Variants in FSTL5 observed in about 807,000 individuals in gnomAD.
FSTL5 encodes the protein follistatin-related protein 5.
In FSTL5, 62 loss-of-function variants were observed where a neutral mutation model predicts 89.1. The ratio of observed to expected loss-of-function variants is 0.70; its 90% CI spans 0.57 to 0.86. The LOEUF is 0.86. FSTL5 is among the 40% of genes least tolerant of loss of function. The pLI, the probability that FSTL5 is intolerant of heterozygous loss-of-function variation, is 0.00. For synonymous variants in FSTL5, 383 were observed against 346.2 expected (o/e 1.11, Z -1.18); for missense variants, 1,057 against 1,001.6 (o/e 1.06, Z -0.75).
At chr4:161,876,492 A>C (rs1268577554) in intron 4 of FSTL5, among the ~76,000 whole-genome samples, 1 of 152,220 alleles carries the variant, frequency 6.6e-6, no homozygotes, top group Non-Finnish European at 1.5e-5. Context: ...CCTCACAAAA[A>C]GTTACTTTGT....
intron 4 of FSTL5, among the ~76,000 whole-genome samples, chr4:161,904,933 T>C (rs1459120332): frequency 6.6e-6 from 1 of 151,864 alleles, no homozygotes; most frequent in Non-Finnish European, 1.5e-5. Flanking sequence ...TATATGTATA[T>C]TTTTAAATGT....
intron 1 of FSTL5, among the ~76,000 whole-genome samples, chr4:162,130,608 T>C (rs78142722): frequency 0.095 from 14,504 of 152,202 alleles, 879 homozygotes; most frequent in African/African-American, 0.16. Context: ...TTTCCAGATA[T>C]GTCAAGCCCC....
intron 3 of FSTL5, among the ~76,000 whole-genome samples, chr4:161,994,451 T>C (rs2111087386): frequency 6.6e-6 from 1 of 152,282 alleles, no homozygotes; most frequent in Admixed American, 6.5e-5. Context: ...TCTTGAGAAA[T>C]CGCCATACTG....
chr4:161,761,259 A>G (rs986345889), intron 5 of FSTL5, among the ~76,000 whole-genome samples: 3 of 152,202 alleles, frequency 2.0e-5, no homozygotes, highest in Non-Finnish European at 4.4e-5. Flanking sequence ...AAGCCTAATA[A>G]AAATACATAT....
intron 8 of FSTL5, among the ~76,000 whole-genome samples, chr4:161,546,934 A>T (rs540987965): frequency 6.6e-6 from 1 of 152,104 alleles, no homozygotes; most frequent in East Asian, 1.9e-4. Flanking sequence ...GCTGGATTTA[A>T]TGACGTGCTG....
At chr4:162,117,686 G>T (rs141881404) in intron 1 of FSTL5, among the ~76,000 whole-genome samples, 193 of 152,298 alleles carry the variant, frequency 1.3e-3, no homozygotes, top group African/African-American at 4.3e-3. Context: ...GGAAGCCACA[G>T]CTCTCCTCAT....
At chr4:161,832,041 T>C (rs1201715390) in intron 4 of FSTL5, among the ~76,000 whole-genome samples, 1 of 152,046 alleles carries the variant, frequency 6.6e-6, no homozygotes. Flanking sequence ...AATACAGAGA[T>C]AAGGGATGCT....
At chr4:162,073,246 ATGTG>A (rs918826033) in intron 2 of FSTL5, among the ~76,000 whole-genome samples, 4 of 151,338 alleles carry the variant, frequency 2.6e-5, no homozygotes, top group African/African-American at 9.7e-5. Flanking sequence ...TATCATGTGT[ATGTG>A]TGTGTGTGTA....
chr4:161,493,806 C>T (rs1398476233), intron 12 of FSTL5, among the ~76,000 whole-genome samples: 1 of 152,064 alleles, frequency 6.6e-6, no homozygotes, highest in Non-Finnish European at 1.5e-5. Flanking sequence ...AGACACACAA[C>T]ATTCTGATGG....
intron 3 of FSTL5, among the ~76,000 whole-genome samples, chr4:161,963,493 C>G (rs1003027014): frequency 3.3e-5 from 5 of 151,806 alleles, no homozygotes; most frequent in Admixed American, 6.6e-5. Flanking sequence ...TGATTTTCCT[C>G]TAATATATCT....
At chr4:162,007,918 C>A (rs983353538) in intron 3 of FSTL5, among the ~76,000 whole-genome samples, 1 of 151,688 alleles carries the variant, frequency 6.6e-6, no homozygotes, top group Non-Finnish European at 1.5e-5. Context: ...TGTCAGAAGT[C>A]ATGATAGTAG....
At chr4:161,490,611 C>T (rs879704704) in intron 12 of FSTL5, among the ~76,000 whole-genome samples, 1 of 152,016 alleles carries the variant, frequency 6.6e-6, no homozygotes, top group Non-Finnish European at 1.5e-5. Flanking sequence ...TCCATATTGT[C>T]TAGCACAGAA....
intron 4 of FSTL5, among the ~76,000 whole-genome samples, chr4:161,887,704 T>G (rs1490279301): frequency 2.0e-5 from 3 of 152,196 alleles, no homozygotes; most frequent in Non-Finnish European, 4.4e-5. Context: ...TACCTTTTGT[T>G]GATCAAATAT....
At chr4:161,613,908 T>C (rs1734746108) in intron 7 of FSTL5, among the ~76,000 whole-genome samples, 1 of 152,106 alleles carries the variant, frequency 6.6e-6, no homozygotes, top group South Asian at 2.1e-4. Context: ...TAATATAGTT[T>C]AATTATATAC....
intron 4 of FSTL5, among the ~76,000 whole-genome samples, chr4:161,889,831 C>T (rs1732929988): frequency 6.6e-6 from 1 of 152,152 alleles, no homozygotes; most frequent in Admixed American, 6.6e-5. Flanking sequence ...CACCTATTTA[C>T]AAAAATTTTT....
At chr4:161,643,606 G>T (rs1369384101) in intron 7 of FSTL5, among the ~76,000 whole-genome samples, 1 of 152,006 alleles carries the variant, frequency 6.6e-6, no homozygotes, top group Non-Finnish European at 1.5e-5. Context: ...AATGCATGAA[G>T]ATTAAACAAC....
At chr4:161,514,639 T>C (rs1730755347) in intron 10 of FSTL5, among the ~76,000 whole-genome samples, 1 of 152,090 alleles carries the variant, frequency 6.6e-6, no homozygotes, top group Non-Finnish European at 1.5e-5. Flanking sequence ...GATAAATAAA[T>C]GGAGAATCAA....
At chr4:162,154,699 T>G (rs1733398079) in intron 1 of FSTL5, among the ~76,000 whole-genome samples, 1 of 152,128 alleles carries the variant, frequency 6.6e-6, no homozygotes, top group African/African-American at 2.4e-5. Flanking sequence ...ATAAATCTAT[T>G]ATAGTCCTAA....
chr4:161,450,039 C>T (rs62326376), intron 15 of FSTL5, among the ~76,000 whole-genome samples: 12,242 of 152,136 alleles, frequency 0.08, 662 homozygotes, highest in Non-Finnish European at 0.12. Context: ...CGTTGGTCTC[C>T]GTGTAGTTCT....
Sources: gnomAD v4.1 joint callset for allele counts (sites outside exome capture counted in the v4.1 genomes callset) on GRCh38, gnomAD v4.1.1 for gene constraint, MANE v1.5 for transcripts, NCBI Gene and HGNC (gene_info 2026-07-23, HGNC 2026-07-21) for gene names.